The following GIT1 variants were observed in gnomAD, a reference collection of about 807,000 sequenced individuals.
GIT1 encodes ARF GTPase-activating protein GIT1.
GIT1 carries 14 observed loss-of-function variants against 91.7 expected under a neutral mutation model. The observed-to-expected ratio is 0.15, with a 90% confidence interval of 0.10 to 0.24. The LOEUF is 0.24. GIT1 is among the 10% of genes least tolerant of loss of function. GIT1 has a pLI of 1.00. For synonymous variants in GIT1, 414 were observed against 418.2 expected (o/e 0.99, Z 0.12); for missense variants, 717 against 1,024.9 (o/e 0.70, Z 4.10).
At chr17:29,585,462 T>C (rs1308050501) in intron 1 of GIT1, among the ~76,000 whole-genome samples, 1 of 152,178 alleles carries the variant, frequency 6.6e-6, no homozygotes, top group African/African-American at 2.4e-5. Context: ...CCCTAAGCCA[T>C]GGGCAGACCA....
intron 2 of GIT1, 82 bp downstream of exon 2, chr17:29,583,401 T>C: frequency 6.9e-7 from 1 of 1,450,066 alleles, no homozygotes; most frequent in South Asian, 1.2e-5. Context: ...GATGGGGGTG[T>C]ATGTGGGTGA....
In GIT1 at chr17:29,577,016, A is replaced by G. The variant is rs1163250871; in HGVS notation, c.1094-20T>C. The G allele has an allele frequency of 6.2e-7, 1 of 1,604,200 alleles. No homozygotes were observed. Among genetic ancestry groups the G allele is most frequent in the African/African-American group, 1.3e-5 (1 of 74,856 alleles). ...GGTTGTCTGAGGACACAGGAGTGTCACTCAGGCCACACTCCACCACACAAC... is the reference window on the plus strand; with the variant it reads ...GGTTGTCTGAGGACACAGGAGTGTCGCTCAGGCCACACTCCACCACACAAC... On this transcript the variant is annotated intron_variant, in intron 11 of 19. Coordinates refer to ENST00000225394, the MANE Select transcript of GIT1 (RefSeq NM_014030.4).
chr17:29,576,071 G>A lies in GIT1; in HGVS notation c.1665+7C>T, dbSNP rs758633577. On this transcript the variant is annotated splice_region_variant and intron_variant, in intron 15 of 19. Transcript: ENST00000225394. ...GGCTAAGATGGACACGCCTTCCCCA[G>A]GCTTACCCGGTAAAGGCCAGCAGGG... 21 of 1,613,434 alleles carry A rather than the reference G, an allele frequency of 1.3e-5. No homozygotes were observed.
chr17:29,578,191 T>C, intron 9 of GIT1, 108 bp downstream of exon 9: 2 of 917,632 alleles, frequency 2.2e-6, no homozygotes, highest in Non-Finnish European at 3.6e-6. Flanking sequence ...TGCAGGCCTC[T>C]GAGCAGCCCC....
In GIT1 at chr17:29,581,634, C is replaced by T. The variant is rs938253845; in HGVS notation, c.718+108G>A. ...GAGCCAGTTGCCTAGCAACATTGCT[C>T]CCCAGCCGCTCTGTCACCATGGCAC... is the stretch of plus-strand genomic sequence containing the variant. On this transcript the variant is annotated intron_variant, in intron 6 of 19. Transcript: ENST00000225394. The surrounding 1 kb of genome is among the most constrained non-coding windows in gnomAD (Gnocchi z 4.8). The T allele has an allele frequency of 1.2e-5, 10 of 847,214 alleles. No individual in the cohort carries two copies. The highest frequency in any genetic ancestry group is 1.9e-5 in the Non-Finnish European group (10 of 518,476). 52.5% of individuals were successfully genotyped at this position (847,214 alleles called of 1,614,324 possible).
chr17:29,581,458 G>T lies in GIT1; in HGVS notation c.719-78C>A. On this transcript the variant is annotated intron_variant, in intron 6 of 19. Transcript: ENST00000225394. This position sits in a 1 kb window ranked among gnomAD's most constrained non-coding sequence, Gnocchi z 4.8. ...AGCTGGGAGCCCACCTCACTGCCAT[G>T]AGCAGGGCTGGCACCCAGAAGTGTC... 1.8e-6 allele frequency: 2 copies of T among 1,127,364 alleles called. No homozygotes were observed. Among genetic ancestry groups the T allele is most frequent in the Non-Finnish European group, 2.7e-6 (2 of 738,586 alleles). 69.8% of individuals were successfully genotyped at this position (1,127,364 alleles called of 1,614,324 possible).
Position 29,575,946 on chromosome 17 carries a change from C to T in GIT1, c.1666-48G>A, listed in dbSNP as rs770650646. 4 of 1,548,506 alleles carry T rather than the reference C, an allele frequency of 2.6e-6. No homozygotes were observed. The African/African-American group carries it at 5.4e-5, about 21-fold the overall frequency. ...ATGGAGTCAGTGTGCCCCACTGCCCCCCTGCTCACCAGCAGTGCAGCAGGG... is the reference window on the plus strand; with the variant it reads ...ATGGAGTCAGTGTGCCCCACTGCCCTCCTGCTCACCAGCAGTGCAGCAGGG... On this transcript the variant is annotated intron_variant, in intron 15 of 19. Transcript: ENST00000225394. This position sits in a 1 kb window ranked among gnomAD's most constrained non-coding sequence, Gnocchi z 5.5.
chr17:29,578,635 G>A, intron 8 of GIT1, 96 bp downstream of exon 8: 5 of 1,145,508 alleles, frequency 4.4e-6, no homozygotes, highest in Non-Finnish European at 6.6e-6. Context: ...ACTTGGAAAA[G>A]GTCATCGAGT....
chr17:29,578,501 G>A, intron 8 of GIT1, 130 bp from the exon 9 acceptor site: 1 of 901,616 alleles, frequency 1.1e-6, no homozygotes, highest in Non-Finnish European at 1.9e-6. Flanking sequence ...TACAGTCTCA[G>A]AATGGGAAAG....
In GIT1 at chr17:29,589,548, G is replaced by C. The variant is rs1430968978; in HGVS notation, c.-170C>G. On this transcript the variant is annotated 5_prime_UTR_variant, in exon 1 of 20. Transcript: ENST00000225394. This position sits in a 1 kb window ranked among gnomAD's most constrained non-coding sequence, Gnocchi z 5.2. Reference sequence around the variant, plus strand: ...CCGGGGCTGGCCCGGAACCCGCCGTGCCCGCCTGCCCGCTCGCCCTCGGGC... The same window carrying C: ...CCGGGGCTGGCCCGGAACCCGCCGTCCCCGCCTGCCCGCTCGCCCTCGGGC... 2 of 152,270 alleles carry C rather than the reference G, an allele frequency of 1.3e-5. No homozygotes were observed. The highest frequency in any genetic ancestry group is 4.9e-5 in the African/African-American group (2 of 40,612). 9.4% of individuals were successfully genotyped at this position (152,270 alleles called of 1,614,324 possible).
At chr17:29,576,786 A>C (rs1567770018) in intron 12 of GIT1, 77 bp downstream of exon 12, 1 of 1,573,626 alleles carries the variant, frequency 6.4e-7, no homozygotes, top group Non-Finnish European at 8.6e-7. Context: ...CCCCTGGGCT[A>C]CAAGAGGACA....
At chr17:29,583,311 G>C (rs1368681857) in intron 2 of GIT1, among the ~76,000 whole-genome samples, 172 bp downstream of exon 2, 2 of 152,194 alleles carry the variant, frequency 1.3e-5, no homozygotes, top group Admixed American at 1.3e-4. Context: ...TCTTCTGCAT[G>C]AAGTGAGTAG....
rs1303858811 is a variant in GIT1, at chr17:29,581,930, G to A, written c.620C>T (p.Ala207Val). 6.2e-7 allele frequency: 1 copy of A among 1,612,492 alleles called. No homozygotes were observed. The change falls in exon 5 of 20, where the codon GCC (alanine) becomes GTC (valine). Residue 207 changes from alanine (A) to valine (V), a missense_variant. By Grantham distance (64) the Ala-to-Val change is moderately conservative (BLOSUM62 0). This residue lies in a region of GIT1 where 271 missense variants were observed against 451.6 expected (regional missense o/e 0.60). Transcript: ENST00000225394. The surrounding 1 kb of genome is among the most constrained non-coding windows in gnomAD (Gnocchi z 4.8). ...DVNGRTPIDY[A>V]RQAGHHELAE... ...GCACCCTTCAGCCGACCCTCACCTG[G>A]CATAGTCAATGGGTGTGCGGCCATT...
intron 1 of GIT1, among the ~76,000 whole-genome samples, chr17:29,584,907 C>T (rs1383816523): frequency 2.0e-5 from 3 of 150,864 alleles, no homozygotes; most frequent in Non-Finnish European, 2.9e-5. Context: ...GTGACCCCCA[C>T]TGAGGCATGA....
intron 1 of GIT1, among the ~76,000 whole-genome samples, chr17:29,585,241 C>CACTG (rs1029049293): frequency 3.3e-5 from 5 of 152,102 alleles, no homozygotes; most frequent in African/African-American, 1.2e-4. Flanking sequence ...CTCCAAACAC[C>CACTG]ACTGGGTCAG....
chr17:29,576,200 G>T lies in GIT1; in HGVS notation c.1611+20C>A. ...AGCCCCACCCATCTCCCCACACCTTGAGACCCATAGGTGACTCACAGTGCT... is the reference window on the plus strand; with the variant it reads ...AGCCCCACCCATCTCCCCACACCTTTAGACCCATAGGTGACTCACAGTGCT... On this transcript the variant is annotated intron_variant, in intron 14 of 19. Transcript: ENST00000225394. The T allele has an allele frequency of 6.2e-7, 1 of 1,606,228 alleles. No homozygotes were observed.
At position 29,575,251 on chromosome 17, in the gene GIT1, G is replaced by A. The variant is rs1046066975; in HGVS notation, c.2009+37C>T. On this transcript the variant is annotated intron_variant, in intron 18 of 19. Transcript: ENST00000225394. This position sits in a 1 kb window ranked among gnomAD's most constrained non-coding sequence, Gnocchi z 5.5. ...TCTGCAACACCCTAGAAGCCAACAG[G>A]AACTGCATCCCCCTCACCTCCCCCT... is the stretch of plus-strand genomic sequence containing the variant. The A allele has an allele frequency of 6.3e-7, 1 of 1,586,320 alleles. No homozygotes were observed. Among genetic ancestry groups the A allele is most frequent in the African/African-American group, 1.3e-5 (1 of 74,314 alleles).
chr17:29,583,737 G>T, intron 1 of GIT1, 121 bp from the exon 2 acceptor site: 2 of 1,131,054 alleles, frequency 1.8e-6, no homozygotes, highest in Non-Finnish European at 2.5e-6. Flanking sequence ...GTCTCCAACA[G>T]CCTAGGAGCT....
In GIT1 at chr17:29,576,983, C is replaced by T. The variant is rs1341549251; in HGVS notation, c.1107G>A (p.Leu369=). 1.2e-6 allele frequency: 2 copies of T among 1,602,946 alleles called. No individual in the cohort carries two copies. Among genetic ancestry groups the T allele is most frequent in the East Asian group, 2.2e-5 (1 of 44,876 alleles). The change falls in exon 12 of 20, where the codon CTG becomes CTA. Residue 369 remains leucine, a synonymous_variant. Coordinates refer to ENST00000225394, the MANE Select transcript of GIT1 (RefSeq NM_014030.4). ...CGAGGTCACTCTGGCTCCGCAGAGACAGCTCGAGGTTGTCTGAGGACACAG... is the reference window on the plus strand; with the variant it reads ...CGAGGTCACTCTGGCTCCGCAGAGATAGCTCGAGGTTGTCTGAGGACACAG... ...SLSSPTDNLE[L]SLRSQSDLDD... is the part of the protein sequence containing the mutation.
Sources: gnomAD v4.1 joint callset for allele counts (sites outside exome capture counted in the v4.1 genomes callset) on GRCh38, gnomAD v4.1.1 for gene constraint, gnomAD v4.1.1 regional missense constraint, Gnocchi (gnomAD v3.1) non-coding constraint, MANE v1.5 for transcripts, NCBI Gene and HGNC (gene_info 2026-07-23, HGNC 2026-07-21) for gene names.